The following GFPT1 variants were observed in gnomAD, a reference collection of about 807,000 sequenced individuals.
GFPT1 encodes the protein glutamine--fructose-6-phosphate transaminase 1, also known as glutamine--fructose-6-phosphate aminotransferase [isomerizing] 1.
Under a neutral mutation model 92.0 loss-of-function variants are expected in GFPT1, and 40 were observed. The ratio of observed to expected loss-of-function variants is 0.43; its 90% CI spans 0.34 to 0.57. The LOEUF is 0.57. GFPT1 is among the 20% of genes least tolerant of loss of function. The probability of loss-of-function intolerance (pLI) is 0.02; values close to 1 mark genes in which losing one functional copy is unlikely to be tolerated. For synonymous variants in GFPT1, 269 were observed against 280.6 expected, an observed-to-expected ratio of 0.96 and a Z score of 0.41; for missense variants, 448 against 869.1, an observed-to-expected ratio of 0.52 and a Z score of 6.09.
intron 15 of GFPT1, among the ~76,000 whole-genome samples, chr2:69,331,281 T>C (rs1335814157): frequency 6.6e-6 from 1 of 152,204 alleles, no homozygotes. Flanking sequence ...ATTTATATTT[T>C]CTCTTTTGAC....
At chr2:69,375,831 T>C (rs1342716378) in intron 1 of GFPT1, among the ~76,000 whole-genome samples, 1 of 152,150 alleles carries the variant, frequency 6.6e-6, no homozygotes, top group Non-Finnish European at 1.5e-5. Flanking sequence ...AGCACAGCAA[T>C]TAAGATAAGG....
At chr2:69,364,588 A>C (rs921234325) in intron 3 of GFPT1, among the ~76,000 whole-genome samples, 1 of 152,272 alleles carries the variant, frequency 6.6e-6, no homozygotes. Context: ...TCACAATAGA[A>C]ACTGCAACTA....
Position 69,329,424 on chromosome 2 carries a change from T to C in GFPT1, c.1598A>G (p.Asp533Gly), listed in dbSNP as rs1250144334. Reference protein sequence around the residue: ...EIMLGLKRLPDLIKEVLSMDD... With the variant: ...EIMLGLKRLPGLIKEVLSMDD... ...CATGCTCAGTACTTCCTTAATCAAA[T>C]CTAAGAAGTAATATTAGCAAAAAAG... is the stretch of plus-strand genomic sequence containing the variant. The change falls in exon 17 of 20, where the codon GAT becomes GGT. Residue 533 changes from aspartate to glycine, a missense_variant and splice_region_variant. Physicochemically the swap from Asp to Gly is moderately conservative, Grantham distance 94 (BLOSUM62 -1). Transcript: ENST00000357308. 1 of 1,602,214 alleles carries C rather than the reference T, an allele frequency of 6.2e-7. No homozygotes were observed. The highest frequency in any genetic ancestry group is 1.7e-5 in the Admixed American group (1 of 59,914).
chr2:69,352,612 C>CAAAAAAA (rs748958210), intron 9 of GFPT1, among the ~76,000 whole-genome samples: 14 of 47,354 alleles, frequency 3.0e-4, no homozygotes, highest in East Asian at 8.3e-4. Flanking sequence ...GACTTCGTCT[C>CAAAAAAA]AAAAAAAAAA....
chr2:69,348,039 G>T (rs1671124681), intron 11 of GFPT1, 132 bp downstream of exon 11: 1 of 779,814 alleles, frequency 1.3e-6, no homozygotes. Flanking sequence ...CCTTTTCCTA[G>T]CGTTGTCCCT....
intron 3 of GFPT1, among the ~76,000 whole-genome samples, chr2:69,367,435 A>C (rs1296567572): frequency 6.6e-6 from 1 of 152,130 alleles, no homozygotes; most frequent in Non-Finnish European, 1.5e-5. Context: ...ATCTCAGCTC[A>C]CTGCAACCTC....
chr2:69,353,739 A>G (rs893433852), intron 9 of GFPT1, among the ~76,000 whole-genome samples: 14 of 152,214 alleles, frequency 9.2e-5, no homozygotes, highest in Non-Finnish European at 1.5e-4. Context: ...AAGTAAATAA[A>G]TAAGAAAAAC....
intron 19 of GFPT1, 88 bp from the exon 20 acceptor site, chr2:69,326,321 T>C (rs1449546895): frequency 3.7e-6 from 3 of 803,632 alleles, no homozygotes; most frequent in Non-Finnish European, 6.2e-6. Flanking sequence ...TTATTTTTGT[T>C]TATAAAAACA....
intron 12 of GFPT1, among the ~76,000 whole-genome samples, chr2:69,343,655 A>T (rs1168556302): frequency 6.6e-6 from 1 of 150,782 alleles, no homozygotes; most frequent in African/African-American, 2.4e-5. Context: ...CAAGTAATCC[A>T]CCCACCTTGG....
intron 1 of GFPT1, among the ~76,000 whole-genome samples, chr2:69,377,115 G>A (rs529875019): frequency 6.6e-6 from 1 of 150,472 alleles, no homozygotes; most frequent in East Asian, 2.0e-4. Flanking sequence ...GGCTGAAGCA[G>A]GAGAATTGCT....
At chr2:69,332,501 A>G (rs1308135140) in intron 15 of GFPT1, among the ~76,000 whole-genome samples, 2 of 151,232 alleles carry the variant, frequency 1.3e-5, no homozygotes, top group Non-Finnish European at 2.9e-5. Flanking sequence ...TTTTTTTAGT[A>G]GAGACGGGGT....
rs968168310 is a variant in GFPT1 at position 69,387,226 on chromosome 2, T to C, written c.-155A>G. ...GCGACGGCCAAGGCAACGACAGCCT[T>C]CTCCGCCTCCCGGGCTCCGCCAGCA... On this transcript the variant is annotated 5_prime_UTR_variant, in exon 1 of 20. Coordinates refer to ENST00000357308, the MANE Select transcript of GFPT1 (RefSeq NM_001244710.2). The C allele has an allele frequency of 1.4e-5, 11 of 764,956 alleles. No homozygotes were observed. Among genetic ancestry groups the C allele is most frequent in the African/African-American group, 3.7e-5 (2 of 53,688 alleles). The allele number at this position is 764,956 out of a possible 1,614,324, so 47.4% of individuals were successfully genotyped here. A position where few individuals can be genotyped will look rare whatever the true frequency, so the allele number is the denominator to read the frequency against.
chr2:69,371,729 C>G (rs1276924304), intron 2 of GFPT1, among the ~76,000 whole-genome samples: 4 of 150,136 alleles, frequency 2.7e-5, no homozygotes, highest in Non-Finnish European at 5.9e-5. Flanking sequence ...CCCAGCTACT[C>G]GGGAGGCTGA....
chr2:69,372,456 G>C (rs529709944), intron 2 of GFPT1, among the ~76,000 whole-genome samples: 9 of 152,038 alleles, frequency 5.9e-5, no homozygotes, highest in Middle Eastern at 3.2e-3. Flanking sequence ...TGTTATCCCA[G>C]CTACTGGAGA....
chr2:69,372,761 A>G (rs1043388467), intron 2 of GFPT1, among the ~76,000 whole-genome samples: 3 of 152,212 alleles, frequency 2.0e-5, no homozygotes, highest in Admixed American at 6.5e-5. Flanking sequence ...ATTACTAAGG[A>G]AAGTCAAGGA....
intron 6 of GFPT1, among the ~76,000 whole-genome samples, chr2:69,357,193 T>C (rs551001834): frequency 1.3e-5 from 2 of 152,340 alleles, no homozygotes; most frequent in South Asian, 4.1e-4. Context: ...CATAATACTA[T>C]GAATTATCAG....
At chr2:69,345,176 A>C (rs946488860) in intron 12 of GFPT1, among the ~76,000 whole-genome samples, 1 of 152,090 alleles carries the variant, frequency 6.6e-6, no homozygotes, top group Non-Finnish European at 1.5e-5. Context: ...GAATCACTTG[A>C]ACCCGGGAGG....
intron 5 of GFPT1, among the ~76,000 whole-genome samples, chr2:69,359,006 C>G (rs1184288273): frequency 6.6e-6 from 1 of 152,166 alleles, no homozygotes; most frequent in Non-Finnish European, 1.5e-5. Flanking sequence ...CAAAAAATGT[C>G]TCCACAAAAT....
At chr2:69,329,576 G>C in intron 16 of GFPT1, 108 bp downstream of exon 16, 2 of 965,466 alleles carry the variant, frequency 2.1e-6, no homozygotes, top group South Asian at 2.6e-5. Flanking sequence ...AACGTAGAAA[G>C]ATCTTATTGA....
Sources: allele counts gnomAD v4.1 joint callset (sites outside exome capture counted in the v4.1 genomes callset), GRCh38; gene constraint gnomAD v4.1.1; transcripts MANE v1.5; gene names NCBI Gene and HGNC (gene_info 2026-07-23, HGNC 2026-07-21).